VASN: variants seen among roughly 807,000 people sequenced by gnomAD.
VASN encodes the protein vasorin.
In VASN, 5 loss-of-function variants were observed where a neutral mutation model predicts 4.8. The observed-to-expected ratio is 1.03, with a 90% confidence interval of 0.54 to 2.17. The LOEUF is 2.17. Ranked by LOEUF, VASN falls within the 30% of genes most tolerant of loss-of-function variation. The pLI, the probability that VASN is intolerant of heterozygous loss-of-function variation, is 0.01. For missense variants in VASN, 927 were observed against 948.8 expected, an observed-to-expected ratio of 0.98 and a Z score of 0.30; for synonymous variants, 499 against 460.8, an observed-to-expected ratio of 1.08 and a Z score of -1.06.
At chr16:4,378,374 C>T (rs1049149769) in intron 1 of VASN, among the ~76,000 whole-genome samples, 1 of 152,162 alleles carries the variant, frequency 6.6e-6, no homozygotes, top group African/African-American at 2.4e-5. Flanking sequence ...CGTGGAGGAT[C>T]CCCTCCCACT....
intron 1 of VASN, among the ~76,000 whole-genome samples, chr16:4,377,857 C>T (rs2054801292): frequency 6.6e-6 from 1 of 152,164 alleles, no homozygotes; most frequent in Non-Finnish European, 1.5e-5. Flanking sequence ...GGCTGGCTGC[C>T]GCCTGCTGGA....
Position 4,381,309 on chromosome 16 carries a change from C to A in VASN, c.432C>A (p.Phe144Leu), listed in dbSNP as rs765216259. 6.2e-7 allele frequency: 1 copy of A among 1,611,892 alleles called. No individual in the cohort carries two copies. Among genetic ancestry groups the A allele is most frequent in the Non-Finnish European group, 8.5e-7 (1 of 1,179,614 alleles). Reference protein sequence around the residue: ...NRIRHIQPGAFDTLDRLLELK... With the variant: ...NRIRHIQPGALDTLDRLLELK... ...TCCGCCACATCCAGCCTGGTGCCTT[C>A]GACACGCTCGACCGCCTCCTGGAGC... The change falls in exon 2 of 2, where the codon TTC becomes TTA. Residue 144 changes from phenylalanine to leucine, a missense_variant. Phe to Leu is a conservative substitution (Grantham distance 22). Coordinates refer to ENST00000304735, the MANE Select transcript of VASN (RefSeq NM_138440.3).
intron 1 of VASN, among the ~76,000 whole-genome samples, chr16:4,378,247 T>A (rs1386146589): frequency 6.6e-6 from 1 of 152,158 alleles, no homozygotes. Flanking sequence ...GCCTCACAGC[T>A]TGGACACCTC....
Position 4,382,818 on chromosome 16 carries a change from C to G in VASN, c.1941C>G (p.Ser647Arg). ...ATEGGGEALPSGSECEVPLMG... is the reference protein window; with the variant it reads ...ATEGGGEALPRGSECEVPLMG... ...AGGGCGGTGGAGAGGCCCTGCCCAGCGGGTCTGAGTGTGAGGTGCCACTCA... is the reference window on the plus strand; with the variant it reads ...AGGGCGGTGGAGAGGCCCTGCCCAGGGGGTCTGAGTGTGAGGTGCCACTCA... Residue 647 changes from serine (S) to arginine (R), a missense_variant, in exon 2 of 2, where the codon AGC (serine) becomes AGG (arginine). Ser to Arg is a moderately radical substitution (Grantham distance 110, BLOSUM62 -1). Transcript: ENST00000304735. 1 of 1,596,258 alleles carries G rather than the reference C, an allele frequency of 6.3e-7. No homozygotes were observed.
chr16:4,381,985 G>C lies in VASN; in HGVS notation c.1108G>C (p.Ala370Pro). The change falls in exon 2 of 2, where the codon GCC becomes CCC. Residue 370 changes from alanine to proline, a missense_variant. Ala to Pro is a conservative substitution (Grantham distance 27). Coordinates refer to ENST00000304735, the MANE Select transcript of VASN (RefSeq NM_138440.3). The stretch of plus-strand genomic sequence containing the variant: ...GAGGCCCGTGGTGCGGGAGCCCACA[G>C]CCTTGTCTTCTAGCTTGGCTCCTAC... ...TTRPVVREPT[A>P]LSSSLAPTWL... 6.2e-7 allele frequency: 1 copy of C among 1,607,674 alleles called. No homozygotes were observed. The highest frequency in any genetic ancestry group is 1.1e-5 in the South Asian group (1 of 90,534).
rs909707379 is a variant in VASN at position 4,383,222 on chromosome 16, C to A, written c.*323C>A. 6.1e-6 allele frequency: 2 copies of A among 328,050 alleles called. No homozygotes were observed. The highest frequency in any genetic ancestry group is 1.2e-5 in the Non-Finnish European group (2 of 172,266). The allele number at this position is 328,050 out of a possible 1,614,324, so 20.3% of individuals were successfully genotyped here. A position where few individuals can be genotyped will look rare whatever the true frequency, so the allele number is the denominator to read the frequency against. On this transcript the variant is annotated 3_prime_UTR_variant, in exon 2 of 2. Coordinates refer to ENST00000304735, the MANE Select transcript of VASN (RefSeq NM_138440.3). Reference sequence around the variant, plus strand: ...ACGCATGCCTGGGCCCTGCTGGGCTCTCCCACTCCAGGCGGACCCTGGGGG... The same window carrying A: ...ACGCATGCCTGGGCCCTGCTGGGCTATCCCACTCCAGGCGGACCCTGGGGG...
In VASN at chr16:4,383,367, CAT is replaced by C. The variant is rs1290137580; in HGVS notation, c.*469_*470del. On this transcript the variant is annotated 3_prime_UTR_variant, in exon 2 of 2. Coordinates refer to ENST00000304735, the MANE Select transcript of VASN (RefSeq NM_138440.3). The stretch of plus-strand genomic sequence containing the variant: ...ACTGGAAAGGAAGATGCTTTAGGAA[CAT>C]GTTTTGCTTTTTTAAAATATATATA... The C allele has an allele frequency of 2.3e-5, 4 of 173,646 alleles. No individual in the cohort carries two copies. Among genetic ancestry groups the C allele is most frequent in the Non-Finnish European group, 4.1e-5 (3 of 73,044 alleles). The allele number at this position is 173,646 out of a possible 1,614,324, so 10.8% of individuals were successfully genotyped here.
chr16:4,378,221 A>G (rs1303993295), intron 1 of VASN, among the ~76,000 whole-genome samples: 1 of 152,210 alleles, frequency 6.6e-6, no homozygotes, highest in Non-Finnish European at 1.5e-5. Flanking sequence ...GTGTGAGAGC[A>G]AAGTCACTGT....
chr16:4,379,284 C>T (rs1181015308), intron 1 of VASN, among the ~76,000 whole-genome samples: 1 of 152,062 alleles, frequency 6.6e-6, no homozygotes, highest in African/African-American at 2.4e-5. Flanking sequence ...GGCTGGCACC[C>T]CGTATGAGGC....
intron 1 of VASN, among the ~76,000 whole-genome samples, chr16:4,372,542 G>A (rs1410271617): frequency 5.9e-5 from 9 of 152,292 alleles, no homozygotes; most frequent in African/African-American, 2.2e-4. Context: ...GGATGGACCT[G>A]TACTGGCCAG....
intron 1 of VASN, among the ~76,000 whole-genome samples, chr16:4,374,282 G>GCCGGATCGCTTTC (rs931330994): frequency 2.0e-5 from 3 of 152,148 alleles, no homozygotes; most frequent in African/African-American, 7.2e-5. Context: ...TCCAGAGTCA[G>GCCGGATCGCTTTC]CCGGATCGCT....
chr16:4,376,364 C>T (rs189517007), intron 1 of VASN, among the ~76,000 whole-genome samples: 17 of 152,326 alleles, frequency 1.1e-4, no homozygotes, highest in East Asian at 3.9e-4. Flanking sequence ...CAGGCCTGAC[C>T]GGCCACACAG....
intron 1 of VASN, among the ~76,000 whole-genome samples, chr16:4,373,416 G>C (rs1233454844): frequency 6.6e-6 from 1 of 152,124 alleles, no homozygotes; most frequent in African/African-American, 2.4e-5. Context: ...GGTCCGGAGG[G>C]TCAGATGGGG....
At chr16:4,373,495 G>A (rs2054605999) in intron 1 of VASN, among the ~76,000 whole-genome samples, 1 of 152,126 alleles carries the variant, frequency 6.6e-6, no homozygotes. Context: ...TTCTGGGAAT[G>A]GGAGAATGGG....
chr16:4,381,028 C>G lies in VASN; in HGVS notation c.151C>G (p.Pro51Ala), dbSNP rs2054937097. The G allele has an allele frequency of 6.2e-7, 1 of 1,610,064 alleles. No individual in the cohort carries two copies. The highest frequency in any genetic ancestry group is 1.3e-5 in the African/African-American group (1 of 74,888). The change falls in exon 2 of 2, where the codon CCA (proline) becomes GCA (alanine). Residue 51 changes from proline (P) to alanine (A), a missense_variant. Physicochemically the swap from Pro to Ala is conservative, Grantham distance 27. Coordinates refer to ENST00000304735, the MANE Select transcript of VASN (RefSeq NM_138440.3). The stretch of plus-strand genomic sequence containing the variant: ...GGGGACCACGGTGCCCCGAGACGTG[C>G]CACCCGACACGGTGGGGCTGTACGT... Reference protein sequence around the residue: ...RQGTTVPRDVPPDTVGLYVFE... With the variant: ...RQGTTVPRDVAPDTVGLYVFE...
Position 4,382,431 on chromosome 16 carries a change from T to C in VASN, c.1554T>C (p.Ala518=), listed in dbSNP as rs1271356052. ...CGCTGCGACTGCCTGCCTCGCTCGC[T>C]GAGTACACGGTCACCCAGCTGCGGC... ...LVTLRLPASL[A]EYTVTQLRPN... The change falls in exon 2 of 2, where the codon GCT becomes GCC. Residue 518 remains alanine (A), a synonymous_variant. Coordinates refer to ENST00000304735, the MANE Select transcript of VASN (RefSeq NM_138440.3). 1.2e-6 allele frequency: 2 copies of C among 1,611,188 alleles called. No homozygotes were observed. The highest frequency in any genetic ancestry group is 2.2e-5 in the East Asian group (1 of 44,832).
chr16:4,382,247 C>A lies in VASN; in HGVS notation c.1370C>A (p.Thr457Lys). ...QGTRPSPTPV[T>K]PRPPRSLTLG... ...ACACGGCCCAGCCCTACACCAGTCA[C>A]GCCGAGGCCACCACGGTCCCTGACC... The change falls in exon 2 of 2, where the codon ACG becomes AAG. Residue 457 changes from threonine (T) to lysine (K), a missense_variant. Physicochemically the swap from Thr to Lys is moderately conservative, Grantham distance 78. Coordinates refer to ENST00000304735, the MANE Select transcript of VASN (RefSeq NM_138440.3). 6.2e-7 allele frequency: 1 copy of A among 1,607,548 alleles called. No individual in the cohort carries two copies. The highest frequency in any genetic ancestry group is 8.5e-7 in the Non-Finnish European group (1 of 1,178,358).
chr16:4,374,405 G>T (rs1449848714), intron 1 of VASN, among the ~76,000 whole-genome samples: 1 of 152,162 alleles, frequency 6.6e-6, no homozygotes, highest in Non-Finnish European at 1.5e-5. Flanking sequence ...GGCAGGGGGT[G>T]GGGGCAGGCG....
In VASN at chr16:4,375,353, C is replaced by G. The variant is rs918896529; in HGVS notation, c.-10+3360C>G. Among the ~76,000 whole-genome samples the G allele has an allele frequency of 3.3e-5, 5 of 152,378 alleles. No individual in the cohort carries two copies. In the East Asian group the frequency reaches 9.6e-4, roughly 29 times the overall value. ...TGCTCCAGGATACAGAGCCTCCTCCCTGCACAGGAAGACGAGCTGACATCC... is the reference window on the plus strand; with the variant it reads ...TGCTCCAGGATACAGAGCCTCCTCCGTGCACAGGAAGACGAGCTGACATCC... On this transcript the variant is annotated intron_variant, in intron 1 of 1. Coordinates refer to ENST00000304735, the MANE Select transcript of VASN (RefSeq NM_138440.3).
Sources: allele counts gnomAD v4.1 joint callset (sites outside exome capture counted in the v4.1 genomes callset), GRCh38; gene constraint gnomAD v4.1.1; transcripts MANE v1.5; gene names NCBI Gene and HGNC (gene_info 2026-07-23, HGNC 2026-07-21).